Variants in NTMT1 observed in about 807,000 individuals in gnomAD.
NTMT1 encodes the protein N-terminal Xaa-Pro-Lys N-methyltransferase 1.
Under a neutral mutation model 17.5 loss-of-function variants are expected in NTMT1, and 8 were observed. The ratio of observed to expected loss-of-function variants is 0.46; its 90% CI spans 0.27 to 0.82. NTMT1 has a LOEUF of 0.82. NTMT1 is among the 40% of genes least tolerant of loss of function. NTMT1 has a pLI of 0.15. For missense variants in NTMT1, 221 were observed against 303.5 expected (o/e 0.73, Z 2.02); for synonymous variants, 128 against 126.8 (o/e 1.01, Z -0.06).
chr9:129,635,244 G>A lies in NTMT1; in HGVS notation c.452G>A (p.Arg151Gln), dbSNP rs181349535. 475 of 1,612,488 alleles carry A rather than the reference G, an allele frequency of 2.9e-4. 5 individuals carry two copies. The East Asian group carries it at 5.8e-3, about 20-fold the overall frequency. Reference protein sequence around the residue: ...LTDQHLAEFLRRCKGSLRPNG... With the variant: ...LTDQHLAEFLQRCKGSLRPNG... ...GATCAGCACCTGGCCGAGTTCCTGC[G>A]GCGCTGCAAGGGCAGCCTCCGCCCC... Residue 151 changes from arginine to glutamine, a missense_variant, in exon 4 of 4, where the codon CGG (arginine) becomes CAG (glutamine). By Grantham distance (43) the Arg-to-Gln change is conservative (BLOSUM62 1). Transcript: ENST00000372483.
upstream of NTMT1, among the ~76,000 whole-genome samples, chr9:129,621,574 C>T (rs1275213856): frequency 1.3e-5 from 2 of 152,158 alleles, no homozygotes; most frequent in Admixed American, 6.5e-5. Context: ...ATTTATGTTG[C>T]ACGGGCTGGT....
Position 129,620,803 on chromosome 9 carries a change from G to C in NTMT1, c.-55+11625G>C. On this transcript the variant is annotated intron_variant, in intron 1 of 3. Transcript: ENST00000372486. This position sits in a 1 kb window ranked among gnomAD's most constrained non-coding sequence, Gnocchi z 5.8. Reference sequence around the variant, plus strand: ...GTGACAGCAAGAGTAGCCAACTTTGGGGGTTGCTGTGACGTTTAAATGAGC... The same window carrying C: ...GTGACAGCAAGAGTAGCCAACTTTGCGGGTTGCTGTGACGTTTAAATGAGC... The C allele has an allele frequency of 2.5e-6, 1 of 395,570 alleles. No individual in the cohort carries two copies. Among genetic ancestry groups the C allele is most frequent in the South Asian group, 1.4e-4 (1 of 7,170 alleles). The allele number at this position is 395,570 out of a possible 1,614,324, so 24.5% of individuals were successfully genotyped here.
chr9:129,634,707 G>A (rs1831414979), intron 3 of NTMT1: 1 of 228,390 alleles, frequency 4.4e-6, no homozygotes, highest in Non-Finnish European at 8.6e-6. Context: ...GCTGTGCCCT[G>A]GGCTGCTGAC....
chr9:129,624,877 C>G (rs1830843792), upstream of NTMT1, among the ~76,000 whole-genome samples: 1 of 152,328 alleles, frequency 6.6e-6, no homozygotes, highest in East Asian at 1.9e-4. Flanking sequence ...ATCCGCCTGC[C>G]TTGGCCTCCC....
At chr9:129,608,942 G>T (rs1376502308) in exon 1 of NTMT1, 1 of 152,414 alleles carries the variant, frequency 6.6e-6, no homozygotes, top group Admixed American at 6.5e-5. Context: ...TGCGCTCAGC[G>T]GGAGACGGGG....
rs146176082 is a variant in NTMT1 at position 129,613,587 on chromosome 9, G to A, written c.-55+4409G>A. 2.5e-6 allele frequency: 4 copies of A among 1,614,080 alleles called. No individual in the cohort carries two copies. Among genetic ancestry groups the A allele is most frequent in the East Asian group, 2.2e-5 (1 of 44,870 alleles). On this transcript the variant is annotated intron_variant, in intron 1 of 3. Coordinates refer to the NTMT1 transcript ENST00000372486. The surrounding 1 kb of genome is among the most constrained non-coding windows in gnomAD (Gnocchi z 6.2). ...GGGCGGCCTTCTGGTTCACAATGAC[G>A]CTCTGTTGGACTGCAGGAAAGAGGG... is the stretch of plus-strand genomic sequence containing the variant.
intron 1 of NTMT1, among the ~76,000 whole-genome samples, chr9:129,612,742 G>T (rs1342656549): frequency 6.6e-6 from 1 of 152,154 alleles, no homozygotes; most frequent in African/African-American, 2.4e-5. Context: ...GCTGGGTGTG[G>T]TGGTGGGTGT....
intron 1 of NTMT1, chr9:129,628,650 A>T (rs978029347): frequency 3.3e-5 from 5 of 152,232 alleles, no homozygotes; most frequent in African/African-American, 1.2e-4. Context: ...CTAATGGTGT[A>T]CAAGGTAATG....
rs1187866530 is a variant in NTMT1, at chr9:129,634,211, A to C, written c.320A>C (p.Glu107Ala). The change falls in exon 3 of 4, where the codon GAG becomes GCG. Residue 107 changes from glutamate (E) to alanine (A), a missense_variant. Glu to Ala is a moderately radical substitution (Grantham distance 107). Transcript: ENST00000372483. ...CAAGCCAAGACCTACCTGGGGGAGG[A>C]GGGCAAGAGGGTGAGGAACTACTTC... ...LVQAKTYLGE[E>A]GKRVRNYFCC... 3 of 1,614,048 alleles carry C rather than the reference A, an allele frequency of 1.9e-6. No homozygotes were observed. The South Asian group carries it at 3.3e-5, about 18-fold the overall frequency.
In NTMT1 at chr9:129,620,711, GC is replaced by G; in HGVS notation, c.-55+11536del. On this transcript the variant is annotated intron_variant, in intron 1 of 3. Transcript: ENST00000372486. This position sits in a 1 kb window ranked among gnomAD's most constrained non-coding sequence, Gnocchi z 5.8. Reference sequence around the variant, plus strand: ...GCGCGGTGCGGGGTGAACGCCACCGGCCCGGCGGACAGCGAGTGGCTTCAGG... The same window carrying G: ...GCGCGGTGCGGGGTGAACGCCACCGGCCGGCGGACAGCGAGTGGCTTCAGG... 2.6e-6 allele frequency: 2 copies of G among 767,794 alleles called. No homozygotes were observed. Among genetic ancestry groups the G allele is most frequent in the Non-Finnish European group, 3.5e-6 (2 of 565,094 alleles). The allele number at this position is 767,794 out of a possible 1,614,324, so 47.6% of individuals were successfully genotyped here.
chr9:129,621,907 T>A (rs530106193), upstream of NTMT1, among the ~76,000 whole-genome samples: 3 of 152,108 alleles, frequency 2.0e-5, no homozygotes, highest in Non-Finnish European at 4.4e-5. Flanking sequence ...GAGCCCATCA[T>A]CCCTGCCTGG....
chr9:129,624,271 G>T (rs1830829205), upstream of NTMT1, among the ~76,000 whole-genome samples: 1 of 152,236 alleles, frequency 6.6e-6, no homozygotes, highest in African/African-American at 2.4e-5. Context: ...CTCTTCTGTT[G>T]ACAGGAAATA....
chr9:129,620,745 T>G lies in NTMT1; in HGVS notation c.-55+11567T>G. On this transcript the variant is annotated intron_variant, in intron 1 of 3. Transcript: ENST00000372486. The surrounding 1 kb of genome is among the most constrained non-coding windows in gnomAD (Gnocchi z 5.8). ...ACAGCGAGTGGCTTCAGGCGAGAGC[T>G]CCCAGAGCCTCTGTTTCCTCACCTG... The G allele has an allele frequency of 2.0e-6, 1 of 511,474 alleles. No individual in the cohort carries two copies. The allele number at this position is 511,474 out of a possible 1,614,324, so 31.7% of individuals were successfully genotyped here.
upstream of NTMT1, among the ~76,000 whole-genome samples, chr9:129,624,036 C>T (rs1255036342): frequency 6.6e-6 from 1 of 152,062 alleles, no homozygotes; most frequent in African/African-American, 2.4e-5. Context: ...CCTTGTGATC[C>T]ACCTGCCTCG....
At chr9:129,616,822 TA>T (rs1279131034) in intron 1 of NTMT1, among the ~76,000 whole-genome samples, 1 of 152,180 alleles carries the variant, frequency 6.6e-6, no homozygotes, top group Admixed American at 6.5e-5. Flanking sequence ...CTCACGCCTG[TA>T]ATCCCAGCAC....
At position 129,628,136 on chromosome 9, in the gene NTMT1, G is replaced by A. The variant is rs374636658; in HGVS notation, c.-55+1841G>A. Among the ~76,000 whole-genome samples, 14 of 152,310 alleles carry A rather than the reference G, an allele frequency of 9.2e-5. No homozygotes were observed. The South Asian group carries it at 2.5e-3, about 27-fold the overall frequency. ...CCTCCCAGGCCCTTCAGCCACATAC[G>A]GCATCTGTGCTCTGGAGCAGAGTGT... On this transcript the variant is annotated intron_variant, in intron 1 of 3. Transcript: ENST00000372483.
Position 129,634,262 on chromosome 9 carries a change from C to T in NTMT1, c.371C>T (p.Pro124Leu). Reference protein sequence around the residue: ...YFCCGLQDFTPEPDSYDVIWI... With the variant: ...YFCCGLQDFTLEPDSYDVIWI... ...TGTTGTGGGCTCCAGGACTTCACCC[C>T]GGAGCCGGACTCTTACGACGTGATC... Residue 124 changes from proline to leucine, a missense_variant, in exon 3 of 4, where the codon CCG becomes CTG. Coordinates refer to ENST00000372483, the MANE Select transcript of NTMT1 (RefSeq NM_014064.4). 19 of 1,613,216 alleles carry T rather than the reference C, an allele frequency of 1.2e-5. No individual in the cohort carries two copies. Among genetic ancestry groups the T allele is most frequent in the Non-Finnish European group, 1.5e-5 (18 of 1,179,456 alleles).
chr9:129,615,086 A>G (rs377041550), intron 1 of NTMT1, among the ~76,000 whole-genome samples: 1 of 152,194 alleles, frequency 6.6e-6, no homozygotes, highest in African/African-American at 2.4e-5. Flanking sequence ...GTCTGCCTTC[A>G]TGGATGTCAA....
chr9:129,613,095 C>T lies in NTMT1; in HGVS notation c.-55+3917C>T. 1 of 1,613,720 alleles carries T rather than the reference C, an allele frequency of 6.2e-7. No homozygotes were observed. The highest frequency in any genetic ancestry group is 1.1e-5 in the South Asian group (1 of 91,034). Reference sequence around the variant, plus strand: ...CCAGCTTCTAGGTCCAGGAGCAAGACCATTTGCCCACCTGCTCCAGGTTTC... The same window carrying T: ...CCAGCTTCTAGGTCCAGGAGCAAGATCATTTGCCCACCTGCTCCAGGTTTC... On this transcript the variant is annotated intron_variant, in intron 1 of 3. Coordinates refer to the NTMT1 transcript ENST00000372486. The surrounding 1 kb of genome is among the most constrained non-coding windows in gnomAD (Gnocchi z 6.2).
Sources: gnomAD v4.1 joint callset for allele counts (sites outside exome capture counted in the v4.1 genomes callset) on GRCh38, gnomAD v4.1.1 for gene constraint, Gnocchi (gnomAD v3.1) non-coding constraint, MANE v1.5 for transcripts, NCBI Gene and HGNC (gene_info 2026-07-23, HGNC 2026-07-21) for gene names.